PKD1L3: variants seen among roughly 807,000 people sequenced by gnomAD.
PKD1L3 encodes the protein polycystin 1 like 3, transient receptor potential channel interacting.
Under a neutral mutation model 184.1 loss-of-function variants are expected in PKD1L3, and 239 were observed. That is an observed-to-expected ratio of 1.30 (90% CI 1.17 to 1.45). The LOEUF (loss-of-function observed/expected upper bound fraction) is 1.45. Among genes scored for constraint, PKD1L3 ranks in the 40% most tolerant of loss-of-function variants. PKD1L3 has a pLI of 0.00. For synonymous variants in PKD1L3, 996 were observed against 778.8 expected (o/e 1.28, Z -4.64); for missense variants, 2,660 against 2,067.2 (o/e 1.29, Z -5.56).
chr16:71,938,665 C>T (rs1294820305), intron 24 of PKD1L3, among the ~76,000 whole-genome samples: 3 of 152,222 alleles, frequency 2.0e-5, no homozygotes, highest in Non-Finnish European at 4.4e-5. Context: ...CAGACTCAGC[C>T]AGACTTGGGC....
Position 71,994,608 on chromosome 16 carries a change from C to T in PKD1L3, c.419-1276G>A, listed in dbSNP as rs116557005. Among the ~76,000 whole-genome samples, 409 of 152,280 alleles carry T rather than the reference C, an allele frequency of 2.7e-3. 7 individuals are homozygous for T. Among genetic ancestry groups the T allele is most frequent in the African/African-American group, 9.7e-3 (402 of 41,550 alleles). Reference sequence around the variant, plus strand: ...TCATGAACTATTGCCCCAGCTGTTTCCTGCTCTTGAGCAAAATTACCTTAA... The same window carrying T: ...TCATGAACTATTGCCCCAGCTGTTTTCTGCTCTTGAGCAAAATTACCTTAA... On this transcript the variant is annotated intron_variant, in intron 2 of 29. Coordinates refer to ENST00000620267, the MANE Select transcript of PKD1L3 (RefSeq NM_181536.2).
At chr16:71,963,773 ACT>A (rs1439121465) in intron 15 of PKD1L3, among the ~76,000 whole-genome samples, 3 of 149,224 alleles carry the variant, frequency 2.0e-5, no homozygotes, top group East Asian at 2.2e-4. Context: ...ACAGAATGAG[ACT>A]CTGTCAAAAA....
At chr16:71,975,920 G>A (rs187342779) in intron 11 of PKD1L3, among the ~76,000 whole-genome samples, 2 of 151,326 alleles carry the variant, frequency 1.3e-5, no homozygotes, top group East Asian at 3.9e-4. Flanking sequence ...CTACCATTCA[G>A]AGAAACTGGA....
chr16:71,977,567 T>C (rs1202984496), intron 10 of PKD1L3, 100 bp from the exon 11 acceptor site: 145 of 931,826 alleles, frequency 1.6e-4, no homozygotes, highest in East Asian at 1.9e-4. Context: ...GCTCTTTTTT[T>C]TTTTTTTTTT....
At chr16:71,969,445 A>G (rs1243815255) in intron 13 of PKD1L3, among the ~76,000 whole-genome samples, 1 of 149,084 alleles carries the variant, frequency 6.7e-6, no homozygotes, top group Admixed American at 6.7e-5. Context: ...AGCTGGGACT[A>G]CAAGCATGCA....
At chr16:71,990,178 C>G in intron 4 of PKD1L3, 102 bp downstream of exon 4, 2 of 935,574 alleles carry the variant, frequency 2.1e-6, no homozygotes, top group Non-Finnish European at 2.9e-6. Context: ...TATTAGAAAA[C>G]TATATTCAGA....
Position 71,970,103 on chromosome 16 carries a change from A to C in PKD1L3, c.1956T>G (p.Val652=). 6.4e-7 allele frequency: 1 copy of C among 1,551,010 alleles called. No individual in the cohort carries two copies. The highest frequency in any genetic ancestry group is 8.7e-7 in the Non-Finnish European group (1 of 1,146,426). The change falls in exon 13 of 30, where the codon GTT becomes GTG. Residue 652 remains valine, a splice_region_variant and synonymous_variant. Coordinates refer to ENST00000620267, the MANE Select transcript of PKD1L3 (RefSeq NM_181536.2). ...NQTWSSAGCQ[V]GPQSTILRTQ... The stretch of plus-strand genomic sequence containing the variant: ...TCCTCAGAATTGTGCTCTGTGGCCC[A>C]ACCTGGAATTAGAATCAAGACGTTG...
At chr16:71,969,372 A>ACAG (rs397806893) in intron 13 of PKD1L3, among the ~76,000 whole-genome samples, 10 of 150,218 alleles carry the variant, frequency 6.7e-5, no homozygotes, top group Admixed American at 1.3e-4. Context: ...AAATGGCACA[A>ACAG]TAGCTCACTG....
At chr16:71,963,618 C>T (rs1286997053) in intron 15 of PKD1L3, among the ~76,000 whole-genome samples, 1 of 152,094 alleles carries the variant, frequency 6.6e-6, no homozygotes, top group African/African-American at 2.4e-5. Context: ...CCCAACTCTA[C>T]AAAATATATA....
At chr16:71,974,575 T>C (rs767902326) in intron 11 of PKD1L3, among the ~76,000 whole-genome samples, 1 of 152,148 alleles carries the variant, frequency 6.6e-6, no homozygotes, top group Non-Finnish European at 1.5e-5. Flanking sequence ...TCCCAGCTGC[T>C]TGGGAGGCTG....
chr16:71,943,037 AGG>A lies in PKD1L3; in HGVS notation c.3860-15_3860-14del. On this transcript the variant is annotated splice_polypyrimidine_tract_variant and intron_variant, in intron 23 of 29. Coordinates refer to ENST00000620267, the MANE Select transcript of PKD1L3 (RefSeq NM_181536.2). ...AAGAGGATTTGTACTTGTTTAGAAG[AGG>A]AAAAAAATGTCATAGTTGAGTGGTT... The A allele has an allele frequency of 6.6e-7, 1 of 1,523,956 alleles. No individual in the cohort carries two copies. The highest frequency in any genetic ancestry group is 2.0e-5 in the Admixed American group (1 of 49,088). 94.4% of individuals were successfully genotyped at this position (1,523,956 alleles called of 1,614,324 possible).
chr16:71,945,354 A>G (rs1375360725), intron 22 of PKD1L3, among the ~76,000 whole-genome samples: 1 of 107,664 alleles, frequency 9.3e-6, no homozygotes, highest in Non-Finnish European at 1.9e-5. Context: ...ATATTTATAT[A>G]TGTATTTATA....
At chr16:71,933,617 CAG>C in intron 27 of PKD1L3, 96 bp from the exon 28 acceptor site, 1 of 938,006 alleles carries the variant, frequency 1.1e-6, no homozygotes, top group Non-Finnish European at 1.7e-6. Flanking sequence ...AGCAATGGAA[CAG>C]AAATTCCTTG....
At chr16:71,993,549 A>G (rs1056105972) in intron 2 of PKD1L3, among the ~76,000 whole-genome samples, 7 of 152,204 alleles carry the variant, frequency 4.6e-5, no homozygotes. Context: ...AGTTGGGTCA[A>G]CACTGAGAAG....
At chr16:71,964,309 C>CTTTTTTTTTTTTTTTT (rs772995457) in intron 15 of PKD1L3, among the ~76,000 whole-genome samples, 1 of 56,592 alleles carries the variant, frequency 1.8e-5, no homozygotes, top group African/African-American at 7.2e-5. Flanking sequence ...TCGTCAAAAT[C>CTTTTTTTTTTTTTTTT]TTTTTTTTTT....
chr16:71,993,181 G>A (rs1472732426), intron 3 of PKD1L3, 35 bp downstream of exon 3: 6 of 1,401,516 alleles, frequency 4.3e-6, no homozygotes, highest in Middle Eastern at 1.8e-4. Context: ...TTGATTCCAC[G>A]GATTTTTAAG....
rs568848867 is a variant in PKD1L3, at chr16:71,993,412, G to C, written c.419-80C>G. 18 of 861,062 alleles carry C rather than the reference G, an allele frequency of 2.1e-5. No homozygotes were observed. The African/African-American group carries it at 2.5e-4, about 12-fold the overall frequency. 53.3% of individuals were successfully genotyped at this position (861,062 alleles called of 1,614,324 possible). On this transcript the variant is annotated intron_variant, in intron 2 of 29. Coordinates refer to ENST00000620267, the MANE Select transcript of PKD1L3 (RefSeq NM_181536.2). Reference sequence around the variant, plus strand: ...TCTATAAAACCATCATTACATGCACGTATGTGATAATCAGGAAAACACAAA... The same window carrying C: ...TCTATAAAACCATCATTACATGCACCTATGTGATAATCAGGAAAACACAAA...
At chr16:71,956,823 C>T (rs1180986073) in intron 16 of PKD1L3, among the ~76,000 whole-genome samples, 3 of 151,892 alleles carry the variant, frequency 2.0e-5, no homozygotes, top group Non-Finnish European at 4.4e-5. Flanking sequence ...GTGTTTTTAC[C>T]GTAATTTTAA....
chr16:71,996,277 T>A (rs188353912), intron 2 of PKD1L3, among the ~76,000 whole-genome samples: 21 of 99,950 alleles, frequency 2.1e-4, no homozygotes, highest in Non-Finnish European at 3.1e-4. Flanking sequence ...TTTTTTTTTT[T>A]TCTGAGACGG....
Sources: gnomAD v4.1 joint callset for allele counts (sites outside exome capture counted in the v4.1 genomes callset) on GRCh38, gnomAD v4.1.1 for gene constraint, MANE v1.5 for transcripts, NCBI Gene and HGNC (gene_info 2026-07-23, HGNC 2026-07-21) for gene names.